Variants in CEP170 observed in about 807,000 individuals in gnomAD.
The protein encoded by CEP170 is centrosomal protein 170.
CEP170 carries 21 observed loss-of-function variants against 151.9 expected under a neutral mutation model. That is an observed-to-expected ratio of 0.14 (90% confidence interval 0.10 to 0.20). The LOEUF is 0.20. Among genes scored for constraint, CEP170 ranks in the 10% least tolerant of loss-of-function variants. The pLI is 1.00. For missense variants in CEP170, 964 were observed against 1,892.9 expected, an observed-to-expected ratio of 0.51 and a Z score of 9.11; for synonymous variants, 356 against 648.8, an observed-to-expected ratio of 0.55 and a Z score of 6.86.
intron 1 of CEP170, among the ~76,000 whole-genome samples, chr1:243,244,957 C>T (rs1329361082): frequency 1.3e-5 from 2 of 152,086 alleles, no homozygotes; most frequent in Non-Finnish European, 2.9e-5. Flanking sequence ...AGAAATTTGA[C>T]TATATACATG....
rs2060962203 is a variant in CEP170, at chr1:243,200,540, C to T, written c.474G>A (p.Leu158=). ...TACCCATGGCTTTTTCCTCGGATTT[C>T]AGTGCTTCAGTAGTTTTGTGCTGCA... ...TEVQHKTTEA[L]KSEEKAMDIS... Residue 158 remains leucine, a synonymous_variant, in exon 6 of 20, where the codon CTG becomes CTA. Coordinates refer to ENST00000366542, the MANE Select transcript of CEP170 (RefSeq NM_014812.3). 6.3e-7 allele frequency: 1 copy of T among 1,593,136 alleles called. No individual in the cohort carries two copies. Among genetic ancestry groups the T allele is most frequent in the Non-Finnish European group, 8.6e-7 (1 of 1,168,922 alleles).
chr1:243,142,190 G>A, intron 15 of CEP170, 126 bp downstream of exon 15: 3 of 1,547,152 alleles, frequency 1.9e-6, no homozygotes, highest in Non-Finnish European at 2.6e-6. Context: ...AGCAAAGTTG[G>A]AAAATGCAGA....
chr1:243,227,624 C>G (rs953843906), intron 1 of CEP170, among the ~76,000 whole-genome samples: 2 of 152,156 alleles, frequency 1.3e-5, no homozygotes, highest in African/African-American at 4.8e-5. Context: ...CAAACAAACT[C>G]AGGAGTATAC....
rs2053577302 is a variant in CEP170, at chr1:243,124,810, CCTT to C, written c.*1636_*1638del. The C allele has an allele frequency of 6.6e-6, 1 of 152,164 alleles. No individual in the cohort carries two copies. The highest frequency in any genetic ancestry group is 1.5e-5 in the Non-Finnish European group (1 of 67,950). The allele number at this position is 152,164 out of a possible 1,614,324, so 9.4% of individuals were successfully genotyped here. A position where few individuals can be genotyped will look rare whatever the true frequency, so the allele number is the denominator to read the frequency against. On this transcript the variant is annotated 3_prime_UTR_variant, in exon 20 of 20. Coordinates refer to ENST00000366542, the MANE Select transcript of CEP170 (RefSeq NM_014812.3). The stretch of plus-strand genomic sequence containing the variant: ...ATCTTTCCATTTATGTTCTTTAAAA[CCTT>C]TTTTCAGTCTTCCTTTATTAGACAG...
chr1:243,211,138 T>C (rs1479384894), intron 4 of CEP170: 1 of 151,268 alleles, frequency 6.6e-6, no homozygotes, highest in African/African-American at 2.4e-5. Flanking sequence ...TTCAGCATTA[T>C]GTGGAATAGC....
intron 4 of CEP170, among the ~76,000 whole-genome samples, chr1:243,210,183 A>G (rs1203541794): frequency 6.6e-6 from 1 of 152,256 alleles, no homozygotes; most frequent in Non-Finnish European, 1.5e-5. Flanking sequence ...TTAAGAAAAT[A>G]GTATACTATT....
At chr1:243,237,496 C>G (rs2064357469) in intron 1 of CEP170, among the ~76,000 whole-genome samples, 2 of 152,164 alleles carry the variant, frequency 1.3e-5, no homozygotes, top group South Asian at 4.1e-4. Flanking sequence ...ATACCTCATA[C>G]TTATAGTATA....
At chr1:243,195,420 C>T (rs926532648) in intron 7 of CEP170, among the ~76,000 whole-genome samples, 8 of 151,986 alleles carry the variant, frequency 5.3e-5, no homozygotes, top group East Asian at 1.9e-4. Context: ...TTCTGGAGAA[C>T]GAAATTGCTC....
intron 1 of CEP170, among the ~76,000 whole-genome samples, chr1:243,246,925 T>C (rs531805287): frequency 2.0e-5 from 3 of 152,340 alleles, no homozygotes; most frequent in Admixed American, 6.5e-5. Flanking sequence ...GAAGTTATAG[T>C]CCTATTGCCT....
intron 3 of CEP170, among the ~76,000 whole-genome samples, chr1:243,218,349 G>C (rs1298883349): frequency 6.6e-6 from 1 of 152,232 alleles, no homozygotes; most frequent in East Asian, 1.9e-4. Context: ...CAGAGGCCAT[G>C]GTGGCTACCA....
In CEP170 at chr1:243,170,469, C is replaced by A. The variant is rs1046600425; in HGVS notation, c.1717-715G>T. 1.6e-4 allele frequency among the ~76,000 whole-genome samples: 25 copies of A among 152,112 alleles called. 1 individual carries two copies. On this transcript the variant is annotated intron_variant, in intron 11 of 19. Transcript: ENST00000366542. Reference sequence around the variant, plus strand: ...AAGTGAAGACTTCAAATAGATAAATCACTATAAGATTTCAAGAATAGTAGG... The same window carrying A: ...AAGTGAAGACTTCAAATAGATAAATAACTATAAGATTTCAAGAATAGTAGG...
chr1:243,209,335 G>C (rs2061621055), intron 4 of CEP170, among the ~76,000 whole-genome samples: 1 of 152,010 alleles, frequency 6.6e-6, no homozygotes, highest in African/African-American at 2.4e-5. Flanking sequence ...ACATGTACCT[G>C]CCACCATGCC....
At chr1:243,220,385 T>C (rs961611858) in intron 3 of CEP170, among the ~76,000 whole-genome samples, 2 of 151,376 alleles carry the variant, frequency 1.3e-5, no homozygotes. Context: ...ATGAAGAACA[T>C]ACACTTAATT....
rs201523372 is a variant in CEP170 at position 243,209,685 on chromosome 1, GT to G, written c.274+2200del. Reference sequence around the variant, plus strand: ...ATAATTTCTGCCACTATAACAGATGGTTTTTTTTTTTTGAGACGGAGTCTGG... The same window carrying G: ...ATAATTTCTGCCACTATAACAGATGGTTTTTTTTTTTGAGACGGAGTCTGG... On this transcript the variant is annotated intron_variant, in intron 4 of 19. Transcript: ENST00000366542. Among the ~76,000 whole-genome samples the G allele has an allele frequency of 1.8e-3, 255 of 143,182 alleles. 6 individuals are homozygous for G. In the East Asian group the frequency reaches 0.041, roughly 23 times the overall value. The allele number at this position is 143,182 out of a possible 152,430, so 93.9% of individuals were successfully genotyped here.
chr1:243,195,018 C>T (rs2060551111), intron 7 of CEP170, among the ~76,000 whole-genome samples: 1 of 151,708 alleles, frequency 6.6e-6, no homozygotes, highest in Non-Finnish European at 1.5e-5. Context: ...ATGTTCTTTT[C>T]ATTCTTCTGT....
intron 4 of CEP170, among the ~76,000 whole-genome samples, chr1:243,204,858 T>C (rs1287122767): frequency 6.6e-6 from 1 of 152,104 alleles, no homozygotes; most frequent in Non-Finnish European, 1.5e-5. Flanking sequence ...CAAATCAACT[T>C]CTCAATCTTC....
rs1369379680 is a variant in CEP170, at chr1:243,185,555, T to C, written c.1566+224A>G. On this transcript the variant is annotated intron_variant, in intron 10 of 19. Transcript: ENST00000366542. The surrounding 1 kb of genome is among the most constrained non-coding windows in gnomAD (Gnocchi z 4.9). Reference sequence around the variant, plus strand: ...ATTTAAAAGGTCCAAACCTTTTAAATGTACAGAGCTTTATGTATGAAACTC... The same window carrying C: ...ATTTAAAAGGTCCAAACCTTTTAAACGTACAGAGCTTTATGTATGAAACTC... Among the ~76,000 whole-genome samples the C allele has an allele frequency of 6.6e-6, 1 of 152,214 alleles. No individual in the cohort carries two copies. Among genetic ancestry groups the C allele is most frequent in the African/African-American group, 2.4e-5 (1 of 41,454 alleles).
chr1:243,179,639 T>C lies in CEP170; in HGVS notation c.1566+6140A>G, dbSNP rs575138378. ...TGGTTGGATTTAATTAATCTATAAA[T>C]TCATTGAAATAAGTTAGCCAATCTA... On this transcript the variant is annotated intron_variant, in intron 10 of 19. Transcript: ENST00000366542. Among the ~76,000 whole-genome samples the C allele has an allele frequency of 3.3e-5, 5 of 152,312 alleles. No homozygotes were observed. The South Asian group carries it at 1.0e-3, about 32-fold the overall frequency.
intron 1 of CEP170, among the ~76,000 whole-genome samples, chr1:243,244,754 T>TAA (rs36113012): frequency 3.5e-5 from 5 of 144,844 alleles, no homozygotes; most frequent in South Asian, 2.1e-4. Flanking sequence ...TCACAAAAAG[T>TAA]AAAAAAAAAG....
Sources: gnomAD v4.1 joint callset for allele counts (sites outside exome capture counted in the v4.1 genomes callset) on GRCh38, gnomAD v4.1.1 for gene constraint, Gnocchi (gnomAD v3.1) non-coding constraint, MANE v1.5 for transcripts, NCBI Gene and HGNC (gene_info 2026-07-23, HGNC 2026-07-21) for gene names.